ERC2: variants seen among roughly 807,000 people sequenced by gnomAD.
The protein encoded by ERC2 is ELKS/RAB6-interacting/CAST family member 2, also known as ERC protein 2.
A neutral mutation model predicts 114.8 loss-of-function variants in ERC2; 42 were observed. The observed-to-expected ratio is 0.37, with a 90% confidence interval of 0.29 to 0.47. The LOEUF is 0.47. ERC2 is among the 20% of genes least tolerant of loss of function. The pLI is 0.99. For missense variants in ERC2, 939 were observed against 1,150.7 expected (o/e 0.82, Z 2.66); for synonymous variants, 454 against 425.5 (o/e 1.07, Z -0.82).
chr3:55,645,012 C>G (rs1286911060), intron 17 of ERC2, among the ~76,000 whole-genome samples: 1 of 152,044 alleles, frequency 6.6e-6, no homozygotes, highest in Non-Finnish European at 1.5e-5. Flanking sequence ...CGTTTAAATA[C>G]ACAAGGTTCT....
Position 55,705,997 on chromosome 3 carries a change from G to A in ERC2, c.2713-6485C>T, listed in dbSNP as rs552082488. Among the ~76,000 whole-genome samples, 4 of 152,148 alleles carry A rather than the reference G, an allele frequency of 2.6e-5. No homozygotes were observed. The South Asian group carries it at 6.2e-4, about 24-fold the overall frequency. ...GCTGCTGTCTTCCCACCAGGAGCCC[G>A]TGCATCTTCCTCGGCTTGAGGTCTT... On this transcript the variant is annotated intron_variant, in intron 15 of 17. Transcript: ENST00000288221.
chr3:55,888,341 AAGAGAGGCTAGAAG>A, intron 14 of ERC2, 34 bp downstream of exon 14: 1 of 1,603,386 alleles, frequency 6.2e-7, no homozygotes, highest in Non-Finnish European at 8.5e-7. Context: ...TCCCACTCTC[AAGAGAGGCTAGAAG>A]AGAGAGGCTA....
chr3:55,734,872 C>T lies in ERC2; in HGVS notation c.2611G>A (p.Ala871Thr). The change falls in exon 15 of 18, where the codon GCC becomes ACC. Residue 871 changes from alanine to threonine, a missense_variant. By Grantham distance (58) the Ala-to-Thr change is moderately conservative. This residue lies in a region of ERC2 where 328 missense variants were observed against 353.9 expected (regional missense o/e 0.93). Coordinates refer to ENST00000288221, the MANE Select transcript of ERC2 (RefSeq NM_015576.3). ...TTGGAGGCAGACAATTCCAGCAAGG[C>T]AATGTTTGCATCTTTTTCACTGATG... ...AAISEKDANI[A>T]LLELSASKKK... 1 of 1,610,990 alleles carries T rather than the reference C, an allele frequency of 6.2e-7. No individual in the cohort carries two copies. The highest frequency in any genetic ancestry group is 8.5e-7 in the Non-Finnish European group (1 of 1,178,580).
chr3:56,088,725 G>A (rs2077632127), intron 6 of ERC2, among the ~76,000 whole-genome samples: 1 of 152,116 alleles, frequency 6.6e-6, no homozygotes, highest in African/African-American at 2.4e-5. Flanking sequence ...CCTTTCAAAT[G>A]TCATGAACAT....
rs566022921 is a variant in ERC2 at position 55,811,263 on chromosome 3, G to A, written c.2565-76345C>T. Among the ~76,000 whole-genome samples, 3 of 152,284 alleles carry A rather than the reference G, an allele frequency of 2.0e-5. No homozygotes were observed. In the East Asian group the frequency reaches 5.8e-4, roughly 29 times the overall value. ...TTTAAGAGTAAATGTGCCATATCAA[G>A]CATGCCTTTTCTTAATTAATCCCAA... On this transcript the variant is annotated intron_variant, in intron 14 of 17. Transcript: ENST00000288221.
chr3:56,157,889 G>A (rs1052006682), intron 4 of ERC2, among the ~76,000 whole-genome samples: 3 of 152,108 alleles, frequency 2.0e-5, no homozygotes, highest in Non-Finnish European at 4.4e-5. Context: ...AAACCTGAAA[G>A]GGGAAGTTCA....
intron 7 of ERC2, among the ~76,000 whole-genome samples, chr3:56,069,453 GTGTGGCTGGGGTCTCTGCC>G (rs1444742681): frequency 2.5e-4 from 38 of 152,244 alleles, no homozygotes; most frequent in Middle Eastern, 3.4e-3. Context: ...GTCTGTCAAG[GTGTGGCTGGGGTCTCTGCC>G]TGTGGCTGGG....
At chr3:56,454,083 G>T (rs563168368) in intron 1 of ERC2, among the ~76,000 whole-genome samples, 1 of 152,290 alleles carries the variant, frequency 6.6e-6, no homozygotes, top group African/African-American at 2.4e-5. Flanking sequence ...TGATGACCCT[G>T]TCTTCACTTG....
At chr3:56,096,758 A>C (rs1401163975) in intron 6 of ERC2, among the ~76,000 whole-genome samples, 1 of 152,210 alleles carries the variant, frequency 6.6e-6, no homozygotes, top group African/African-American at 2.4e-5. Flanking sequence ...AAAGTGCTCC[A>C]AACAAAATGT....
intron 14 of ERC2, among the ~76,000 whole-genome samples, chr3:55,815,565 T>C (rs748176250): frequency 6.6e-6 from 1 of 152,176 alleles, no homozygotes; most frequent in Non-Finnish European, 1.5e-5. Flanking sequence ...GAGTCCTGGA[T>C]AAGGACTGCA....
chr3:55,930,621 T>A (rs2066021461), intron 13 of ERC2, among the ~76,000 whole-genome samples: 1 of 151,918 alleles, frequency 6.6e-6, no homozygotes, highest in Non-Finnish European at 1.5e-5. Flanking sequence ...GATTAAAGAG[T>A]TAAACGTAAG....
At chr3:55,542,169 A>G (rs2054440792) in intron 17 of ERC2, among the ~76,000 whole-genome samples, 1 of 152,214 alleles carries the variant, frequency 6.6e-6, no homozygotes, top group Non-Finnish European at 1.5e-5. Flanking sequence ...TTTTCCCTAT[A>G]TCCTACAGAA....
intron 17 of ERC2, among the ~76,000 whole-genome samples, chr3:55,615,018 T>C (rs2059067237): frequency 6.6e-6 from 1 of 152,266 alleles, no homozygotes; most frequent in Admixed American, 6.5e-5. Flanking sequence ...TGGATGTTTA[T>C]TTGATACTTA....
chr3:55,855,944 G>A (rs2061766627), intron 14 of ERC2, among the ~76,000 whole-genome samples: 1 of 152,164 alleles, frequency 6.6e-6, no homozygotes, highest in Admixed American at 6.5e-5. Context: ...TTTGGCCATC[G>A]ACCTCCAGGC....
intron 2 of ERC2, among the ~76,000 whole-genome samples, chr3:56,314,411 C>T (rs911900936): frequency 1.4e-5 from 2 of 139,650 alleles, no homozygotes; most frequent in Non-Finnish European, 3.0e-5. Flanking sequence ...AGGAAGCCAT[C>T]ATTTTCAAGC....
At chr3:55,693,050 C>T (rs540930622) in intron 16 of ERC2, among the ~76,000 whole-genome samples, 93 of 152,318 alleles carry the variant, frequency 6.1e-4, no homozygotes, top group African/African-American at 2.1e-3. Flanking sequence ...GGTACAAACA[C>T]GCACTTTGGC....
At chr3:56,194,160 T>C (rs528079207) in intron 3 of ERC2, among the ~76,000 whole-genome samples, 1 of 152,270 alleles carries the variant, frequency 6.6e-6, no homozygotes, top group Admixed American at 6.5e-5. Flanking sequence ...GGTACTCATA[T>C]AAAGATTTTT....
At chr3:56,000,592 A>T (rs1431438696) in intron 10 of ERC2, among the ~76,000 whole-genome samples, 2 of 152,192 alleles carry the variant, frequency 1.3e-5, no homozygotes, top group Non-Finnish European at 2.9e-5. Context: ...AAGGCAAAAA[A>T]AAATTCCACC....
chr3:55,651,014 ATTTTTTT>A (rs71096493), intron 17 of ERC2, among the ~76,000 whole-genome samples: 49 of 96,324 alleles, frequency 5.1e-4, no homozygotes, highest in South Asian at 3.2e-3. Context: ...CACCCAGCTA[ATTTTTTT>A]TTTTTTTTTT....
Sources: allele counts gnomAD v4.1 joint callset (sites outside exome capture counted in the v4.1 genomes callset), GRCh38; gene constraint gnomAD v4.1.1; regional missense constraint gnomAD v4.1.1; transcripts MANE v1.5; gene names NCBI Gene and HGNC (gene_info 2026-07-23, HGNC 2026-07-21).